NEGR1: variants seen among roughly 807,000 people sequenced by gnomAD.
The protein encoded by NEGR1 is IgLON family member 4.
NEGR1 carries 10 observed loss-of-function variants against 40.9 expected under a neutral mutation model. The observed-to-expected ratio is 0.24, with a 90% confidence interval of 0.15 to 0.42. The LOEUF (loss-of-function observed/expected upper bound fraction) is 0.42. Ranked by LOEUF, NEGR1 falls within the 10% of genes least tolerant of loss-of-function variation. The probability of loss-of-function intolerance (pLI) is 1.00; values close to 1 mark genes in which losing one functional copy is unlikely to be tolerated. For missense variants in NEGR1, 352 were observed against 438.9 expected, an observed-to-expected ratio of 0.80 and a Z score of 1.77; for synonymous variants, 185 against 166.8, an observed-to-expected ratio of 1.11 and a Z score of -0.84.
At chr1:71,563,920 A>G in intron 6 of NEGR1, among the ~76,000 whole-genome samples, 1 of 151,852 alleles carries the variant, frequency 6.6e-6, no homozygotes, top group East Asian at 2.0e-4. Flanking sequence ...ACTATAGGTG[A>G]CAGACGACTG....
chr1:71,553,904 AT>A lies in NEGR1; in HGVS notation c.940+38912del, dbSNP rs1480468447. ...ACAAAATCTTTTTCTTATTTAACAT[AT>A]TTCCTTTTGATGATAGAAAATATCT... On this transcript the variant is annotated intron_variant, in intron 6 of 6. Transcript: ENST00000357731. Among the ~76,000 whole-genome samples, 5 of 151,630 alleles carry A rather than the reference AT, an allele frequency of 3.3e-5. No individual in the cohort carries two copies. The East Asian group carries it at 9.8e-4, about 30-fold the overall frequency.
At chr1:71,616,199 G>A (rs11209804) in intron 4 of NEGR1, among the ~76,000 whole-genome samples, 47,496 of 151,962 alleles carry the variant, frequency 0.31, 8,979 homozygotes, top group East Asian at 0.54. Flanking sequence ...TTAGGAACCC[G>A]GGCCACACAG....
At chr1:72,123,492 AAGGCAAATAAAACATTTG>A (rs1017598471) in intron 1 of NEGR1, among the ~76,000 whole-genome samples, 1 of 151,832 alleles carries the variant, frequency 6.6e-6, no homozygotes, top group African/African-American at 2.4e-5. Context: ...TATGGAGATA[AAGGCAAATAAAACATTTG>A]CCTTTATGGC....
intron 1 of NEGR1, among the ~76,000 whole-genome samples, chr1:72,176,997 G>A (rs1320087983): frequency 6.6e-6 from 1 of 151,980 alleles, no homozygotes; most frequent in Non-Finnish European, 1.5e-5. Flanking sequence ...ATAGACTCAA[G>A]ATGAATTCAA....
At chr1:72,042,518 A>G (rs1355329684) in intron 1 of NEGR1, among the ~76,000 whole-genome samples, 2 of 152,018 alleles carry the variant, frequency 1.3e-5, no homozygotes, top group Non-Finnish European at 2.9e-5. Flanking sequence ...CACAGAGAGC[A>G]CCAATGTCAG....
chr1:72,270,272 G>T (rs1345616908), intron 1 of NEGR1, among the ~76,000 whole-genome samples: 1 of 151,828 alleles, frequency 6.6e-6, no homozygotes, highest in Non-Finnish European at 1.5e-5. Flanking sequence ...TCTTGATGAT[G>T]GCTCCATCAT....
chr1:72,128,936 C>T (rs988257034), intron 1 of NEGR1, among the ~76,000 whole-genome samples: 2 of 152,138 alleles, frequency 1.3e-5, no homozygotes, highest in Non-Finnish European at 2.9e-5. Context: ...ATCTGCCTGA[C>T]TGCTTGAGCT....
At chr1:71,524,861 C>G (rs1188956928) in intron 6 of NEGR1, among the ~76,000 whole-genome samples, 1 of 151,642 alleles carries the variant, frequency 6.6e-6, no homozygotes, top group Non-Finnish European at 1.5e-5. Context: ...TTTGAGTGGC[C>G]ATTTCTGGCT....
At chr1:71,436,001 G>C (rs745682951) in intron 6 of NEGR1, among the ~76,000 whole-genome samples, 1 of 152,202 alleles carries the variant, frequency 6.6e-6, no homozygotes, top group African/African-American at 2.4e-5. Flanking sequence ...TCTATGTAAA[G>C]GATTGTCAAT....
At chr1:72,094,451 C>T (rs1189433443) in intron 1 of NEGR1, among the ~76,000 whole-genome samples, 4 of 152,174 alleles carry the variant, frequency 2.6e-5, no homozygotes, top group African/African-American at 4.8e-5. Context: ...TGTTGCAAAA[C>T]ATGTTTTTCT....
chr1:71,787,588 C>A (rs1656958422), intron 2 of NEGR1, among the ~76,000 whole-genome samples: 1 of 152,090 alleles, frequency 6.6e-6, no homozygotes, highest in Admixed American at 6.6e-5. Flanking sequence ...ACAATCTCCT[C>A]AAAATATCTG....
intron 2 of NEGR1, among the ~76,000 whole-genome samples, chr1:71,881,356 A>G (rs146655913): frequency 1.2e-4 from 18 of 152,218 alleles, no homozygotes; most frequent in African/African-American, 4.3e-4. Context: ...CTTATGTACC[A>G]GTAACATCAC....
intron 3 of NEGR1, among the ~76,000 whole-genome samples, chr1:71,772,707 C>T (rs549278898): frequency 6.6e-5 from 10 of 151,898 alleles, no homozygotes; most frequent in African/African-American, 9.7e-5. Context: ...GAAATTAACA[C>T]GGAGATATCT....
chr1:71,621,602 A>C (rs922612892), intron 4 of NEGR1, among the ~76,000 whole-genome samples: 3 of 151,418 alleles, frequency 2.0e-5, no homozygotes, highest in South Asian at 2.1e-4. Context: ...CAGAAAAAAA[A>C]CAAAATTATT....
chr1:71,923,352 GATAC>G (rs745649624), intron 2 of NEGR1, among the ~76,000 whole-genome samples: 5 of 102,808 alleles, frequency 4.9e-5, no homozygotes, highest in African/African-American at 1.5e-4. Context: ...CTTGGACAGC[GATAC>G]ACACACACAC....
chr1:71,994,949 G>T (rs1259878438), intron 1 of NEGR1, among the ~76,000 whole-genome samples: 1 of 139,996 alleles, frequency 7.1e-6, no homozygotes, highest in Non-Finnish European at 1.5e-5. Flanking sequence ...AGGATGTATG[G>T]CAATGCAATA....
intron 4 of NEGR1, among the ~76,000 whole-genome samples, chr1:71,633,095 G>A (rs914554259): frequency 2.0e-5 from 3 of 151,952 alleles, no homozygotes; most frequent in African/African-American, 7.2e-5. Flanking sequence ...TTGAGTTCAG[G>A]CCAAATTATA....
intron 1 of NEGR1, among the ~76,000 whole-genome samples, chr1:72,281,397 C>T (rs115091163): frequency 6.7e-6 from 1 of 148,166 alleles, no homozygotes; most frequent in Non-Finnish European, 1.5e-5. Context: ...AGTGCCAGTG[C>T]ATGTGAGGAT....
chr1:71,640,396 A>C (rs1237681834), intron 4 of NEGR1, among the ~76,000 whole-genome samples: 1 of 152,034 alleles, frequency 6.6e-6, no homozygotes, highest in Non-Finnish European at 1.5e-5. Flanking sequence ...TGTCAAACGG[A>C]ATTATTCCCC....
Sources: allele counts gnomAD v4.1 joint callset (sites outside exome capture counted in the v4.1 genomes callset), GRCh38; gene constraint gnomAD v4.1.1; transcripts MANE v1.5; gene names NCBI Gene and HGNC (gene_info 2026-07-23, HGNC 2026-07-21).